Variants in CCSER1 observed in about 807,000 individuals in gnomAD.
CCSER1 encodes serine-rich coiled-coil domain-containing protein 1.
CCSER1 carries 41 observed loss-of-function variants against 82.0 expected under a neutral mutation model. That is an observed-to-expected ratio of 0.50 (90% CI 0.39 to 0.65). The LOEUF (loss-of-function observed/expected upper bound fraction) is 0.65, where lower values mean the gene tolerates loss of function less well. CCSER1 is among the 30% of genes least tolerant of loss of function. The pLI is 0.00. For missense variants in CCSER1, 1,119 were observed against 1,064.2 expected (o/e 1.05, Z -0.72); for synonymous variants, 414 against 383.9 (o/e 1.08, Z -0.92).
At chr4:91,587,502 G>C (rs73836255) in intron 10 of CCSER1, among the ~76,000 whole-genome samples, 16,552 of 151,594 alleles carry the variant, frequency 0.11, 920 homozygotes, top group Middle Eastern at 0.18. Flanking sequence ...CTTACTTCTT[G>C]ATCTTCATTT....
At chr4:90,616,462 C>T (rs1403571430) in intron 5 of CCSER1, among the ~76,000 whole-genome samples, 1 of 151,974 alleles carries the variant, frequency 6.6e-6, no homozygotes, top group Non-Finnish European at 1.5e-5. Flanking sequence ...GGGAGGATCA[C>T]TTGATGTCAG....
At chr4:90,928,789 A>G (rs1369544249) in intron 9 of CCSER1, among the ~76,000 whole-genome samples, 1 of 152,090 alleles carries the variant, frequency 6.6e-6, no homozygotes, top group Non-Finnish European at 1.5e-5. Context: ...GTCAGTAAGA[A>G]CTAAGCACTT....
At chr4:91,358,828 T>G (rs1425195594) in intron 10 of CCSER1, among the ~76,000 whole-genome samples, 3 of 152,098 alleles carry the variant, frequency 2.0e-5, no homozygotes, top group Non-Finnish European at 4.4e-5. Flanking sequence ...GGAGCGCTCT[T>G]TGGATCACGT....
intron 10 of CCSER1, among the ~76,000 whole-genome samples, chr4:91,504,204 C>T (rs552361522): frequency 1.8e-4 from 27 of 152,234 alleles, no homozygotes; most frequent in African/African-American, 6.3e-4. Flanking sequence ...TAGGATGATA[C>T]ATGATTTATT....
At chr4:91,230,657 C>A (rs1738555234) in intron 10 of CCSER1, among the ~76,000 whole-genome samples, 1 of 151,696 alleles carries the variant, frequency 6.6e-6, no homozygotes, top group Non-Finnish European at 1.5e-5. Flanking sequence ...CAAAGGAAAG[C>A]AAGCACAGCC....
At chr4:90,863,431 A>T (rs1765337599) in intron 8 of CCSER1, among the ~76,000 whole-genome samples, 1 of 151,878 alleles carries the variant, frequency 6.6e-6, no homozygotes, top group South Asian at 2.1e-4. Flanking sequence ...TTTCAGTCAG[A>T]TGATAGATAC....
At chr4:90,198,470 A>T (rs61444645) in intron 1 of CCSER1, among the ~76,000 whole-genome samples, 7,442 of 152,232 alleles carry the variant, frequency 0.049, 434 homozygotes, top group East Asian at 0.25. Context: ...GGTGCTATGT[A>T]AGAACAGGAA....
At position 90,333,964 on chromosome 4, in the gene CCSER1, T is replaced by A. The variant is rs144161435; in HGVS notation, c.1509+20917T>A. On this transcript the variant is annotated intron_variant, in intron 3 of 10. Coordinates refer to ENST00000509176, the MANE Select transcript of CCSER1 (RefSeq NM_001145065.2). Reference sequence around the variant, plus strand: ...ACTGAGTCAGAGCTCTTACAGTAAATAGCAAAATCAAACAATTATATAATC... The same window carrying A: ...ACTGAGTCAGAGCTCTTACAGTAAAAAGCAAAATCAAACAATTATATAATC... Among the ~76,000 whole-genome samples, 426 of 152,244 alleles carry A rather than the reference T, an allele frequency of 2.8e-3. 2 individuals are homozygous for A. The highest frequency in any genetic ancestry group is 0.01 in the Middle Eastern group (3 of 294).
At chr4:91,201,261 G>T (rs1735883842) in intron 10 of CCSER1, among the ~76,000 whole-genome samples, 1 of 152,020 alleles carries the variant, frequency 6.6e-6, no homozygotes, top group Admixed American at 6.6e-5. Context: ...GCTGGCTTAG[G>T]CCTGCATCTT....
At chr4:90,388,161 T>G (rs1327983192) in intron 3 of CCSER1, among the ~76,000 whole-genome samples, 1 of 152,224 alleles carries the variant, frequency 6.6e-6, no homozygotes, top group African/African-American at 2.4e-5. Flanking sequence ...TATGATTTGC[T>G]TTAGTTCACA....
Position 91,098,787 on chromosome 4 carries a change from C to T in CCSER1, c.2217+12793C>T, listed in dbSNP as rs542988972. Among the ~76,000 whole-genome samples, 15 of 152,122 alleles carry T rather than the reference C, an allele frequency of 9.9e-5. No individual in the cohort carries two copies. In the South Asian group the frequency reaches 2.1e-3, roughly 21 times the overall value. Reference sequence around the variant, plus strand: ...GGATCTCCTGATGTCGTGATCTGCCCGCCTCGGCCTCCCAAAGTGCTGGGA... The same window carrying T: ...GGATCTCCTGATGTCGTGATCTGCCTGCCTCGGCCTCCCAAAGTGCTGGGA... On this transcript the variant is annotated intron_variant, in intron 10 of 10. Transcript: ENST00000509176.
intron 10 of CCSER1, among the ~76,000 whole-genome samples, chr4:91,163,477 G>A (rs1220000808): frequency 6.6e-6 from 1 of 152,040 alleles, no homozygotes; most frequent in Non-Finnish European, 1.5e-5. Context: ...TTCAATTCCT[G>A]GATATCCTTG....
intron 1 of CCSER1, among the ~76,000 whole-genome samples, chr4:90,178,377 T>C (rs1446951050): frequency 6.6e-6 from 1 of 152,126 alleles, no homozygotes; most frequent in Non-Finnish European, 1.5e-5. Context: ...ATAATTTTTT[T>C]TTCTATTTCT....
chr4:90,212,236 ATTTG>A, intron 1 of CCSER1, among the ~76,000 whole-genome samples: 1 of 152,138 alleles, frequency 6.6e-6, no homozygotes, highest in African/African-American at 2.4e-5. Context: ...AAGCAGCTGT[ATTTG>A]TTTGGGTTGT....
chr4:91,257,218 G>A (rs1449428888), intron 10 of CCSER1, among the ~76,000 whole-genome samples: 1 of 152,012 alleles, frequency 6.6e-6, no homozygotes, highest in Non-Finnish European at 1.5e-5. Context: ...GAAAACAAAC[G>A]ATTTCTCATT....
intron 10 of CCSER1, among the ~76,000 whole-genome samples, chr4:91,457,395 G>C (rs944060078): frequency 2.6e-5 from 4 of 152,000 alleles, no homozygotes; most frequent in African/African-American, 9.7e-5. Context: ...GGCTAGGTTT[G>C]GTGGCTCATG....
At chr4:90,661,914 A>AT (rs1730865366) in intron 6 of CCSER1, among the ~76,000 whole-genome samples, 2 of 151,892 alleles carry the variant, frequency 1.3e-5, no homozygotes, top group Non-Finnish European at 2.9e-5. Context: ...GAAAAAAAAA[A>AT]AATTTATTTT....
intron 10 of CCSER1, among the ~76,000 whole-genome samples, chr4:91,582,428 T>C (rs1227936180): frequency 3.3e-5 from 5 of 151,624 alleles, no homozygotes; most frequent in African/African-American, 4.8e-5. Context: ...ACTTGAAGTA[T>C]ACAGTCTTTC....
chr4:91,386,482 A>AAATGT (rs1298549687), intron 10 of CCSER1, among the ~76,000 whole-genome samples: 1 of 152,072 alleles, frequency 6.6e-6, no homozygotes, highest in Non-Finnish European at 1.5e-5. Flanking sequence ...ATCAATTGAT[A>AAATGT]AATGTGTAGA....
Sources: allele counts gnomAD v4.1 joint callset (sites outside exome capture counted in the v4.1 genomes callset), GRCh38; gene constraint gnomAD v4.1.1; transcripts MANE v1.5; gene names NCBI Gene and HGNC (gene_info 2026-07-23, HGNC 2026-07-21).